The following ADRA1D variants were observed in gnomAD, a reference collection of about 807,000 sequenced individuals.
ADRA1D encodes the protein alpha-1D adrenergic receptor.
In ADRA1D, 22 loss-of-function variants were observed where a neutral mutation model predicts 18.6. The observed-to-expected ratio is 1.19, with a 90% confidence interval of 0.85 to 1.69. The LOEUF is 1.69. Ranked by LOEUF, ADRA1D falls within the 40% of genes most tolerant of loss-of-function variation. The probability of loss-of-function intolerance (pLI) is 0.00; values close to 1 mark genes in which losing one functional copy is unlikely to be tolerated. For missense variants in ADRA1D, 840 were observed against 840.7 expected (o/e 1.00, Z 0.01); for synonymous variants, 376 against 388.2 (o/e 0.97, Z 0.37).
At chr20:4,228,967 C>T (rs1416708140) in intron 1 of ADRA1D, among the ~76,000 whole-genome samples, 2 of 152,236 alleles carry the variant, frequency 1.3e-5, no homozygotes, top group Admixed American at 6.5e-5. Flanking sequence ...CCACATGTTC[C>T]ACCCCTCCCA....
intron 1 of ADRA1D, among the ~76,000 whole-genome samples, chr20:4,240,070 AAAG>A (rs1317334635): frequency 7.2e-5 from 11 of 152,228 alleles, no homozygotes; most frequent in African/African-American, 1.9e-4. Flanking sequence ...ACACCACAGA[AAAG>A]AAGAATTCTT....
At chr20:4,235,255 G>A (rs1326176850) in intron 1 of ADRA1D, among the ~76,000 whole-genome samples, 1 of 152,196 alleles carries the variant, frequency 6.6e-6, no homozygotes, top group African/African-American at 2.4e-5. Context: ...TGTAGCTGAG[G>A]GGCAGGTGAA....
chr20:4,221,275 G>A lies in ADRA1D; in HGVS notation c.*248C>T, dbSNP rs1980652066. Reference sequence around the variant, plus strand: ...GATTGGGAGCAAAAGGCCCCACGGAGCCCGCAGCCTCTCCCTTCTAAGAAA... The same window carrying A: ...GATTGGGAGCAAAAGGCCCCACGGAACCCGCAGCCTCTCCCTTCTAAGAAA... On this transcript the variant is annotated 3_prime_UTR_variant, in exon 2 of 2. Transcript: ENST00000379453. 3.2e-5 allele frequency: 14 copies of A among 432,682 alleles called. No homozygotes were observed. In the South Asian group the frequency reaches 8.1e-4, roughly 25 times the overall value. 26.8% of individuals were successfully genotyped at this position (432,682 alleles called of 1,614,324 possible).
chr20:4,241,847 GCTCACAGC>G (rs1981221197), intron 1 of ADRA1D, among the ~76,000 whole-genome samples: 1 of 152,190 alleles, frequency 6.6e-6, no homozygotes, highest in Non-Finnish European at 1.5e-5. Flanking sequence ...ACTAAGCAGG[GCTCACAGC>G]CTCCCCCCTG....
intron 1 of ADRA1D, among the ~76,000 whole-genome samples, chr20:4,231,090 T>TCTTTCTCTCTCTCTCTC (rs1318670027): frequency 7.4e-4 from 50 of 67,704 alleles, no homozygotes; most frequent in African/African-American, 4.0e-3. Context: ...CTCTTTTCTT[T>TCTTTCTCTCTCTCTCTC]TCTTTTCTTT....
rs3746669 is a variant in ADRA1D, at chr20:4,247,838, G to T, written c.1111+9C>A. The T allele has an allele frequency of 0.062, 93,846 of 1,522,666 alleles. 4,321 individuals are homozygous for T. The highest frequency in any genetic ancestry group is 0.28 in the East Asian group (11,782 of 41,496). 94.3% of individuals were successfully genotyped at this position (1,522,666 alleles called of 1,614,324 possible). On this transcript the variant is annotated intron_variant, in intron 1 of 1. Coordinates refer to ENST00000379453, the MANE Select transcript of ADRA1D (RefSeq NM_000678.4). ...AACAGGAGGGGCCGGTGGGAGAGGG[G>T]TCACTCACCGAGCGGCAGGACAAAG...
Position 4,221,583 on chromosome 20 carries a change from G to A in ADRA1D, c.1659C>T (p.Gly553=), listed in dbSNP as rs1374021849. Residue 553 remains glycine (G), a synonymous_variant, in exon 2 of 2, where the codon GGC becomes GGT. Coordinates refer to ENST00000379453, the MANE Select transcript of ADRA1D (RefSeq NM_000678.4). ...CCAATTCGTAGGCCTGGCAGGTGGC[G>A]CCCTCGGCCACCTCGTGTGGGACGC... is the stretch of plus-strand genomic sequence containing the variant. ...SLGVPHEVAE[G]ATCQAYELAD... 1.9e-6 allele frequency: 3 copies of A among 1,612,844 alleles called. No homozygotes were observed. Among genetic ancestry groups the A allele is most frequent in the East Asian group, 2.2e-5 (1 of 44,830 alleles).
intron 1 of ADRA1D, 140 bp downstream of exon 1, chr20:4,247,707 C>T: frequency 9.9e-7 from 1 of 1,005,672 alleles, no homozygotes; most frequent in Non-Finnish European, 1.4e-6. Context: ...GGTGCATGCA[C>T]ACCTGCCTCT....
Position 4,248,753 on chromosome 20 carries a change from C to T in ADRA1D, c.205G>A (p.Ala69Thr). 2 of 1,506,988 alleles carry T rather than the reference C, an allele frequency of 1.3e-6. No homozygotes were observed. The highest frequency in any genetic ancestry group is 1.8e-6 in the Non-Finnish European group (2 of 1,127,982). The allele number at this position is 1,506,988 out of a possible 1,614,324, so 93.4% of individuals were successfully genotyped here. Residue 69 changes from alanine to threonine, a missense_variant, in exon 1 of 2, where the codon GCG (alanine) becomes ACG (threonine). By Grantham distance (58) the Ala-to-Thr change is moderately conservative. Coordinates refer to ENST00000379453, the MANE Select transcript of ADRA1D (RefSeq NM_000678.4). The stretch of plus-strand genomic sequence containing the variant: ...GCGCCCGCGCTCCCCGGCTCCCCCG[C>T]GGAGCTCCGGTTGTCCTCGCCGCTG... ...AGSGEDNRSSAGEPGSAGAGG... is the reference protein window; with the variant it reads ...AGSGEDNRSSTGEPGSAGAGG...
At chr20:4,231,288 A>ATTG (rs1980965145) in intron 1 of ADRA1D, among the ~76,000 whole-genome samples, 1 of 147,920 alleles carries the variant, frequency 6.8e-6, no homozygotes. Context: ...TATTATTATT[A>ATTG]TTATTATTTT....
rs1472280550 is a variant in ADRA1D at position 4,246,216 on chromosome 20, C to T, written c.1111+1631G>A. Among the ~76,000 whole-genome samples the T allele has an allele frequency of 2.0e-5, 3 of 152,154 alleles. No individual in the cohort carries two copies. The South Asian group carries it at 6.2e-4, about 32-fold the overall frequency. ...GGACTCAGTGATGACCCAGGTGACACAGCCCTGCCCTCACACAGCTTCTGG... is the reference window on the plus strand; with the variant it reads ...GGACTCAGTGATGACCCAGGTGACATAGCCCTGCCCTCACACAGCTTCTGG... On this transcript the variant is annotated intron_variant, in intron 1 of 1. Coordinates refer to ENST00000379453, the MANE Select transcript of ADRA1D (RefSeq NM_000678.4).
chr20:4,246,602 A>C (rs1600853373), intron 1 of ADRA1D, among the ~76,000 whole-genome samples: 1 of 152,098 alleles, frequency 6.6e-6, no homozygotes, highest in South Asian at 2.1e-4. Flanking sequence ...CTCATTTGAG[A>C]TCTCCATTGT....
In ADRA1D at chr20:4,247,983, C is replaced by T. The variant is rs1452131835; in HGVS notation, c.975G>A (p.Lys325=). 6.3e-7 allele frequency: 1 copy of T among 1,576,216 alleles called. No individual in the cohort carries two copies. ...ADGAHGMRSA[K]GHTFRSSLSV... ...AGAGCGAGCTGCGGAAGGTGTGGCCCTTGGCGCTGCGCATGCCGTGCGCCC... is the reference window on the plus strand; with the variant it reads ...AGAGCGAGCTGCGGAAGGTGTGGCCTTTGGCGCTGCGCATGCCGTGCGCCC... The change falls in exon 1 of 2, where the codon AAG becomes AAA. Residue 325 remains lysine, a synonymous_variant. Coordinates refer to ENST00000379453, the MANE Select transcript of ADRA1D (RefSeq NM_000678.4).
chr20:4,246,908 G>A (rs2122680368), intron 1 of ADRA1D, among the ~76,000 whole-genome samples: 1 of 152,342 alleles, frequency 6.6e-6, no homozygotes, highest in Non-Finnish European at 1.5e-5. Context: ...CAGCCTGGCA[G>A]TGTGGAAGGG....
chr20:4,241,412 G>T (rs927984309), intron 1 of ADRA1D, among the ~76,000 whole-genome samples: 3 of 151,876 alleles, frequency 2.0e-5, no homozygotes, highest in Non-Finnish European at 4.4e-5. Flanking sequence ...GTGTTAAGAG[G>T]GTAGAGCTCA....
intron 1 of ADRA1D, among the ~76,000 whole-genome samples, chr20:4,231,076 C>T (rs141454091): frequency 0.053 from 2,640 of 49,804 alleles, 37 homozygotes; most frequent in East Asian, 0.2. Context: ...CTCTCTCTCT[C>T]TCTCTCTTTT....
In ADRA1D at chr20:4,248,873, C is replaced by G. The variant is rs1181660320; in HGVS notation, c.85G>C (p.Gly29Arg). The change falls in exon 1 of 2, where the codon GGG becomes CGG. Residue 29 changes from glycine to arginine, a missense_variant. By Grantham distance (125) the Gly-to-Arg change is moderately radical (BLOSUM62 -2). Transcript: ENST00000379453. Reference sequence around the variant, plus strand: ...GGGGCCGCGCCGCCCGCGCTGCCCCCGCCGCCGCCCGCGCTGGAGCCCCCT... The same window carrying G: ...GGGGCCGCGCCGCCCGCGCTGCCCCGGCCGCCGCCCGCGCTGGAGCCCCCT... The part of the protein sequence containing the change: ...SAGGSSAGGG[G>R]GSAGGAAPSE... 2 of 1,103,224 alleles carry G rather than the reference C, an allele frequency of 1.8e-6. No individual in the cohort carries two copies. Among genetic ancestry groups the G allele is most frequent in the East Asian group, 1.0e-4 (2 of 19,394 alleles). 68.3% of individuals were successfully genotyped at this position (1,103,224 alleles called of 1,614,324 possible).
intron 1 of ADRA1D, among the ~76,000 whole-genome samples, chr20:4,232,712 C>G (rs139587243): frequency 1.3e-4 from 20 of 152,340 alleles, no homozygotes; most frequent in Non-Finnish European, 2.4e-4. Context: ...TGTTGGCAGT[C>G]AGAGGCTAGC....
chr20:4,234,904 T>C (rs1002934387), intron 1 of ADRA1D, among the ~76,000 whole-genome samples: 1 of 152,018 alleles, frequency 6.6e-6, no homozygotes, highest in African/African-American at 2.4e-5. Flanking sequence ...CCCGGGAAGT[T>C]AGGACCGCCA....
Sources: allele counts gnomAD v4.1 joint callset (sites outside exome capture counted in the v4.1 genomes callset), GRCh38; gene constraint gnomAD v4.1.1; transcripts MANE v1.5; gene names NCBI Gene and HGNC (gene_info 2026-07-23, HGNC 2026-07-21).